Variants in DLGAP2 observed in about 807,000 individuals in gnomAD.
DLGAP2 encodes disks large-associated protein 2.
Under a neutral mutation model 100.3 loss-of-function variants are expected in DLGAP2, and 26 were observed. The observed-to-expected ratio is 0.26, with a 90% confidence interval of 0.19 to 0.36. The LOEUF is 0.36. Among genes scored for constraint, DLGAP2 ranks in the 10% least tolerant of loss-of-function variants. The pLI is 1.00. For missense variants in DLGAP2, 1,858 were observed against 1,453.2 expected (o/e 1.28, Z -4.53); for synonymous variants, 886 against 630.1 (o/e 1.41, Z -6.08).
At chr8:1,180,698 G>T (rs1158694723) in intron 2 of DLGAP2, among the ~76,000 whole-genome samples, 1 of 151,226 alleles carries the variant, frequency 6.6e-6, no homozygotes, top group African/African-American at 2.4e-5. Flanking sequence ...AATTACCGTC[G>T]AGTGTGTGTG....
At chr8:1,042,709 T>G (rs1225843625) in intron 2 of DLGAP2, among the ~76,000 whole-genome samples, 1 of 150,474 alleles carries the variant, frequency 6.6e-6, no homozygotes, top group Non-Finnish European at 1.5e-5. Context: ...ATGTCGGTGG[T>G]GGGTGTGGGT....
chr8:1,509,473 G>A (rs889778093), intron 4 of DLGAP2, among the ~76,000 whole-genome samples: 1 of 152,072 alleles, frequency 6.6e-6, no homozygotes, highest in African/African-American at 2.4e-5. Flanking sequence ...TCTTATTGTG[G>A]AATATAATCC....
At chr8:1,248,230 G>A (rs112435818) in intron 2 of DLGAP2, among the ~76,000 whole-genome samples, 805 of 20,274 alleles carry the variant, frequency 0.04, 90 homozygotes, top group African/African-American at 0.12. Flanking sequence ...GTCGGTGGCC[G>A]GGAAGACCTT....
chr8:1,090,757 T>G (rs971131402), intron 2 of DLGAP2, among the ~76,000 whole-genome samples: 10 of 152,132 alleles, frequency 6.6e-5, no homozygotes, highest in African/African-American at 1.2e-4. Context: ...CTGCATAGGT[T>G]GTTGTTGTTG....
chr8:1,567,242 A>G (rs2130580951), intron 6 of DLGAP2, among the ~76,000 whole-genome samples: 1 of 152,336 alleles, frequency 6.6e-6, no homozygotes, highest in South Asian at 2.1e-4. Flanking sequence ...GTCAGCTCTC[A>G]CCCACCTTTT....
intron 8 of DLGAP2, among the ~76,000 whole-genome samples, chr8:1,640,763 C>T (rs1028451726): frequency 2.6e-4 from 39 of 152,154 alleles, no homozygotes; most frequent in Admixed American, 9.8e-4. Flanking sequence ...GGAAGTCTCA[C>T]GTGGCCCGCC....
At chr8:1,065,398 C>G (rs1415642811) in intron 2 of DLGAP2, among the ~76,000 whole-genome samples, 3 of 152,130 alleles carry the variant, frequency 2.0e-5, no homozygotes, top group African/African-American at 7.2e-5. Flanking sequence ...CTTTCCTGAC[C>G]ACACATCTTT....
chr8:1,491,055 TAAATAA>T (rs1799365588), intron 3 of DLGAP2, among the ~76,000 whole-genome samples: 3 of 10,360 alleles, frequency 2.9e-4, no homozygotes, highest in Admixed American at 1.6e-3. Flanking sequence ...TAAAATAAAA[TAAATAA>T]AAATAAACTG....
At chr8:1,233,487 C>A (rs1471493845) in intron 2 of DLGAP2, among the ~76,000 whole-genome samples, 3 of 152,154 alleles carry the variant, frequency 2.0e-5, no homozygotes, top group Non-Finnish European at 2.9e-5. Flanking sequence ...AATCGCAGAG[C>A]GCAGGGAAGG....
intron 12 of DLGAP2, chr8:1,688,121 TGCA>T (rs1292420353): frequency 1.3e-5 from 2 of 152,200 alleles, no homozygotes; most frequent in Admixed American, 1.3e-4. Context: ...CTCGACCGAC[TGCA>T]GCGGCCCCTC....
In DLGAP2 at chr8:1,565,775, C is replaced by T. The variant is rs1802372753; in HGVS notation, c.1323C>T (p.Ala441=). 6.2e-7 allele frequency: 1 copy of T among 1,613,862 alleles called. No individual in the cohort carries two copies. The highest frequency in any genetic ancestry group is 2.2e-5 in the East Asian group (1 of 44,868). ...TGAGAAGTGGGAGTTACATTAAAGC[C>T]ATGGGGGACGAGGAGAGCGGAGAGT... ...RRMRSGSYIK[A]MGDEESGESD... The change falls in exon 6 of 15, where the codon GCC becomes GCT. Residue 441 remains alanine (A), a synonymous_variant. Coordinates refer to ENST00000637795, the MANE Select transcript of DLGAP2 (RefSeq NM_001346810.2).
At chr8:1,315,823 A>C (rs1277015655) in intron 3 of DLGAP2, among the ~76,000 whole-genome samples, 1 of 79,232 alleles carries the variant, frequency 1.3e-5, no homozygotes, top group African/African-American at 5.8e-5. Flanking sequence ...ACACTCGAGA[A>C]ACTCGGCAGC....
At chr8:1,325,708 T>G (rs1801006543) in intron 3 of DLGAP2, among the ~76,000 whole-genome samples, 1 of 152,160 alleles carries the variant, frequency 6.6e-6, no homozygotes, top group Non-Finnish European at 1.5e-5. Context: ...GCTAGAGAGT[T>G]TAAAGCAACT....
In DLGAP2 at chr8:1,421,966, A is replaced by G. The variant is rs191244854; in HGVS notation, c.107-79400A>G. ...GGGCGACAAAGTGAGACTCCATCTC[A>G]AAAAAAAGAAAAAAGAAAAAAGAGA... is the stretch of plus-strand genomic sequence containing the variant. On this transcript the variant is annotated intron_variant, in intron 3 of 14. Transcript: ENST00000637795. Among the ~76,000 whole-genome samples, 90 of 151,608 alleles carry G rather than the reference A, an allele frequency of 5.9e-4. 1 individual carries two copies. Among genetic ancestry groups the G allele is most frequent in the Admixed American group, 5.9e-4 (9 of 15,274 alleles).
At chr8:1,586,800 A>G (rs1434187056) in intron 6 of DLGAP2, among the ~76,000 whole-genome samples, 1 of 152,170 alleles carries the variant, frequency 6.6e-6, no homozygotes, top group Non-Finnish European at 1.5e-5. Context: ...TGTAAAGAAA[A>G]TATTTGCGAA....
At chr8:1,637,095 G>T (rs566265146) in intron 8 of DLGAP2, among the ~76,000 whole-genome samples, 1 of 152,320 alleles carries the variant, frequency 6.6e-6, no homozygotes, top group East Asian at 1.9e-4. Context: ...CTCTGCAGAC[G>T]TGCTTGCTCG....
intron 4 of DLGAP2, among the ~76,000 whole-genome samples, chr8:1,507,851 C>A (rs1270147854): frequency 6.9e-6 from 1 of 144,822 alleles, no homozygotes; most frequent in South Asian, 2.2e-4. Flanking sequence ...GCCTCCACCA[C>A]CACACTTCCT....
chr8:1,080,137 G>T (rs886184612), intron 2 of DLGAP2, among the ~76,000 whole-genome samples: 1 of 152,234 alleles, frequency 6.6e-6, no homozygotes, highest in South Asian at 2.1e-4. Context: ...TCGCTGGGGG[G>T]TTGCAGTGGC....
intron 3 of DLGAP2, among the ~76,000 whole-genome samples, chr8:1,487,764 G>T (rs559855328): frequency 2.0e-5 from 3 of 152,166 alleles, no homozygotes; most frequent in Non-Finnish European, 2.9e-5. Context: ...ACACAGCACC[G>T]ATTCTCAGGT....
Sources: gnomAD v4.1 joint callset for allele counts (sites outside exome capture counted in the v4.1 genomes callset) on GRCh38, gnomAD v4.1.1 for gene constraint, MANE v1.5 for transcripts, NCBI Gene and HGNC (gene_info 2026-07-23, HGNC 2026-07-21) for gene names.